The following PJA2 variants were observed in gnomAD, a reference collection of about 807,000 sequenced individuals.
PJA2 encodes the protein E3 ubiquitin-protein ligase Praja-2.
A neutral mutation model predicts 69.3 loss-of-function variants in PJA2; 25 were observed. That is an observed-to-expected ratio of 0.36 (90% CI 0.26 to 0.50). PJA2 has a LOEUF of 0.50. PJA2 is among the 20% of genes least tolerant of loss of function. The pLI, the probability that PJA2 is intolerant of heterozygous loss-of-function variation, is 0.96. For missense variants in PJA2, 809 were observed against 830.2 expected, an observed-to-expected ratio of 0.97 and a Z score of 0.31; for synonymous variants, 308 against 277.8, an observed-to-expected ratio of 1.11 and a Z score of -1.08.
At position 109,383,509 on chromosome 5, in the gene PJA2, C is replaced by A. The variant is rs530595754; in HGVS notation, c.-76G>T. Reference sequence around the variant, plus strand: ...GTTTTTATTCACACTATGGACAAGCCGCAGAAGATTCCTACAAAGAAACAA... The same window carrying A: ...GTTTTTATTCACACTATGGACAAGCAGCAGAAGATTCCTACAAAGAAACAA... On this transcript the variant is annotated 5_prime_UTR_variant, in exon 2 of 10. Transcript: ENST00000361189. 4 of 1,191,128 alleles carry A rather than the reference C, an allele frequency of 3.4e-6. No homozygotes were observed. The highest frequency in any genetic ancestry group is 2.4e-5 in the East Asian group (1 of 42,064). The allele number at this position is 1,191,128 out of a possible 1,614,324, so 73.8% of individuals were successfully genotyped here.
At chr5:109,380,782 A>C (rs115586553) in intron 3 of PJA2, among the ~76,000 whole-genome samples, 5,485 of 140,960 alleles carry the variant, frequency 0.039, 107 homozygotes, top group Middle Eastern at 0.049. Flanking sequence ...ACCAGCCTGG[A>C]TGACAAAGTA....
chr5:109,378,803 A>G lies in PJA2; in HGVS notation c.684T>C (p.Asp228=). 6.2e-7 allele frequency: 1 copy of G among 1,613,146 alleles called. No individual in the cohort carries two copies. Among genetic ancestry groups the G allele is most frequent in the Non-Finnish European group, 8.5e-7 (1 of 1,180,004 alleles). ...PVPSFNCEVR[D]EFEELDSVPL... ...GTACAGAATCTAACTCTTCAAACTC[A>G]TCTCTTACTTCACAGTTAAATGAGG... The change falls in exon 4 of 10, where the codon GAT becomes GAC. Residue 228 remains aspartate (D), a synonymous_variant. Transcript: ENST00000361189.
intron 9 of PJA2, 65 bp downstream of exon 9, chr5:109,344,124 AC>A: frequency 1.2e-6 from 1 of 847,830 alleles, no homozygotes; most frequent in Non-Finnish European, 1.7e-6. Context: ...AAAAAAAGAT[AC>A]TATTATTCAC....
chr5:109,349,753 G>T (rs1473665046), intron 7 of PJA2, among the ~76,000 whole-genome samples: 1 of 152,140 alleles, frequency 6.6e-6, no homozygotes, highest in African/African-American at 2.4e-5. Context: ...GGTGGTGGCT[G>T]CTCCTTATAT....
chr5:109,363,837 T>A (rs114046739), intron 5 of PJA2, among the ~76,000 whole-genome samples: 4,639 of 152,130 alleles, frequency 0.03, 93 homozygotes, highest in Middle Eastern at 0.048. Flanking sequence ...AAAGGAAGCA[T>A]TTCAAAACAG....
intron 6 of PJA2, among the ~76,000 whole-genome samples, chr5:109,357,416 G>C (rs1302667192): frequency 6.6e-6 from 1 of 152,144 alleles, no homozygotes; most frequent in Non-Finnish European, 1.5e-5. Context: ...GCAGTATCTG[G>C]AAATCAAGTA....
chr5:109,386,921 T>C (rs1437843021), intron 1 of PJA2, among the ~76,000 whole-genome samples: 3 of 152,202 alleles, frequency 2.0e-5, no homozygotes, highest in African/African-American at 7.2e-5. Context: ...AAAGACTTGT[T>C]TGGGGCAGGC....
At position 109,406,038 on chromosome 5, in the gene PJA2, C is replaced by T. The variant is rs548691403; in HGVS notation, c.-88+3804G>A. Among the ~76,000 whole-genome samples, 4 of 138,956 alleles carry T rather than the reference C, an allele frequency of 2.9e-5. No individual in the cohort carries two copies. The East Asian group carries it at 6.0e-4, about 21-fold the overall frequency. The allele number at this position is 138,956 out of a possible 152,430, so 91.2% of individuals were successfully genotyped here. A position where few individuals can be genotyped will look rare whatever the true frequency, so the allele number is the denominator to read the frequency against. Reference sequence around the variant, plus strand: ...ATGCTTACAACTCAATAAGACAAACCCATTTTTTTTTTTTTTTTTTTTTGA... The same window carrying T: ...ATGCTTACAACTCAATAAGACAAACTCATTTTTTTTTTTTTTTTTTTTTGA... On this transcript the variant is annotated intron_variant, in intron 1 of 9. Transcript: ENST00000361189.
intron 7 of PJA2, among the ~76,000 whole-genome samples, chr5:109,354,433 AGAGATGTCTATAGAT>A (rs1762366926): frequency 8.0e-6 from 1 of 124,438 alleles, no homozygotes; most frequent in African/African-American, 2.9e-5. Flanking sequence ...TATGATATCT[AGAGATGTCTATAGAT>A]TAGATATCTA....
At chr5:109,366,262 G>T (rs1216828807) in intron 5 of PJA2, among the ~76,000 whole-genome samples, 1 of 152,144 alleles carries the variant, frequency 6.6e-6, no homozygotes, top group African/African-American at 2.4e-5. Flanking sequence ...CCAGGTTAGA[G>T]AAAATAAATA....
intron 6 of PJA2, among the ~76,000 whole-genome samples, chr5:109,360,191 A>G (rs935781870): frequency 1.3e-5 from 2 of 152,226 alleles, no homozygotes; most frequent in African/African-American, 4.8e-5. Flanking sequence ...TTAGATTAAT[A>G]AAAACTCAAT....
intron 1 of PJA2, among the ~76,000 whole-genome samples, chr5:109,406,468 T>C (rs1489931813): frequency 6.6e-6 from 1 of 152,198 alleles, no homozygotes; most frequent in Non-Finnish European, 1.5e-5. Context: ...AAAATCCCAG[T>C]ATGATACTAC....
At chr5:109,351,200 G>A (rs908907750) in intron 7 of PJA2, among the ~76,000 whole-genome samples, 1 of 151,312 alleles carries the variant, frequency 6.6e-6, no homozygotes, top group East Asian at 1.9e-4. Context: ...AAAGAATTCA[G>A]TGACAATGCC....
intron 1 of PJA2, among the ~76,000 whole-genome samples, chr5:109,389,745 T>C (rs1204458075): frequency 6.6e-6 from 1 of 152,066 alleles, no homozygotes; most frequent in Non-Finnish European, 1.5e-5. Context: ...AGCATAAAGT[T>C]ACCTCTAAGC....
chr5:109,343,187 C>G (rs548711577), intron 9 of PJA2, among the ~76,000 whole-genome samples: 1 of 118,942 alleles, frequency 8.4e-6, no homozygotes, highest in African/African-American at 3.5e-5. Context: ...TCTTGGGATC[C>G]TGTTGATCTG....
intron 1 of PJA2, among the ~76,000 whole-genome samples, chr5:109,389,101 G>A (rs1181454928): frequency 1.3e-5 from 2 of 151,974 alleles, no homozygotes; most frequent in African/African-American, 4.8e-5. Flanking sequence ...AGAAATATTG[G>A]CTTAAAATAG....
intron 4 of PJA2, among the ~76,000 whole-genome samples, chr5:109,377,681 T>C (rs2127005891): frequency 6.6e-6 from 1 of 152,164 alleles, no homozygotes; most frequent in East Asian, 1.9e-4. Flanking sequence ...AATAATGGAA[T>C]CTACCACACA....
At chr5:109,388,666 T>C (rs867685242) in intron 1 of PJA2, among the ~76,000 whole-genome samples, 2 of 152,164 alleles carry the variant, frequency 1.3e-5, no homozygotes, top group South Asian at 4.1e-4. Flanking sequence ...TAAAGTATCT[T>C]TTCTAGAAAA....
chr5:109,383,065 A>G (rs1403294047), intron 2 of PJA2, among the ~76,000 whole-genome samples: 2 of 152,170 alleles, frequency 1.3e-5, no homozygotes, highest in African/African-American at 4.8e-5. Context: ...TTAAAAATTG[A>G]AAAATTAAAG....
Sources: gnomAD v4.1 joint callset for allele counts (sites outside exome capture counted in the v4.1 genomes callset) on GRCh38, gnomAD v4.1.1 for gene constraint, MANE v1.5 for transcripts, NCBI Gene and HGNC (gene_info 2026-07-23, HGNC 2026-07-21) for gene names.